The following LRP1B variants were observed in gnomAD, a reference collection of about 807,000 sequenced individuals.
LRP1B encodes LDL receptor related protein 1B, also known as low-density lipoprotein receptor-related protein 1B.
In LRP1B, 217 loss-of-function variants were observed where a neutral mutation model predicts 556.6. That is an observed-to-expected ratio of 0.39 (90% confidence interval 0.35 to 0.44). The LOEUF is 0.44. Ranked by LOEUF, LRP1B falls within the 20% of genes least tolerant of loss-of-function variation. The probability of loss-of-function intolerance (pLI) is 1.00; values close to 1 mark genes in which losing one functional copy is unlikely to be tolerated. For missense variants in LRP1B, 5,053 were observed against 5,620.8 expected (o/e 0.90, Z 3.23); for synonymous variants, 2,047 against 1,865.8 (o/e 1.10, Z -2.50).
Position 140,701,733 on chromosome 2 carries a change from C to G in LRP1B, c.6415G>C (p.Val2139Leu), listed in dbSNP as rs1278204499. 1.2e-6 allele frequency: 2 copies of G among 1,612,504 alleles called. No homozygotes were observed. The highest frequency in any genetic ancestry group is 1.7e-6 in the Non-Finnish European group (2 of 1,178,988). ...CAAGAGTGCTGACCTTTCTCTCTTA[C>G]TCGGTTAAATATTTTAACCTCCTTC... ...NLKEVKIFNR[V>L]REKGTNVCAR... The change falls in exon 40 of 91, where the codon GTA (valine) becomes CTA (leucine). Residue 2139 changes from valine to leucine, a missense_variant. Coordinates refer to ENST00000389484, the MANE Select transcript of LRP1B (RefSeq NM_018557.3).
chr2:141,739,316 A>G (rs929384561), intron 2 of LRP1B, among the ~76,000 whole-genome samples: 1 of 152,148 alleles, frequency 6.6e-6, no homozygotes, highest in Non-Finnish European at 1.5e-5. Context: ...ACAAAACCTC[A>G]AGAAGTACTG....
At chr2:141,040,784 C>T (rs544058023) in intron 11 of LRP1B, among the ~76,000 whole-genome samples, 3 of 152,068 alleles carry the variant, frequency 2.0e-5, no homozygotes, top group Non-Finnish European at 1.5e-5. Context: ...ATGCTGGGGA[C>T]AGGACTGAGC....
At chr2:140,945,234 A>T (rs1303048554) in intron 20 of LRP1B, among the ~76,000 whole-genome samples, 1 of 152,188 alleles carries the variant, frequency 6.6e-6, no homozygotes, top group Non-Finnish European at 1.5e-5. Context: ...ACAAATAAAA[A>T]ATCATTTCAT....
intron 76 of LRP1B, among the ~76,000 whole-genome samples, chr2:140,352,050 G>T (rs1413182782): frequency 6.6e-6 from 1 of 152,012 alleles, no homozygotes; most frequent in African/African-American, 2.4e-5. Flanking sequence ...TCTTAATAAT[G>T]TCCAATCATA....
Position 140,252,062 on chromosome 2 carries a change from C to CAAAAAAAAAAA in LRP1B, c.13248-4911_13248-4901dup. Among the ~76,000 whole-genome samples the CAAAAAAAAAAA allele has an allele frequency of 9.1e-3, 169 of 18,496 alleles. 8 individuals are homozygous for CAAAAAAAAAAA. Among genetic ancestry groups the CAAAAAAAAAAA allele is most frequent in the East Asian group, 0.028 (5 of 180 alleles). The allele number at this position is 18,496 out of a possible 152,430, so 12.1% of individuals were successfully genotyped here. On this transcript the variant is annotated intron_variant, in intron 86 of 90. Transcript: ENST00000389484. ...TTGCAGATAGTAGCATGACAAGATGCAAAAAAAAAAAAAAAAAAAAAAAAA... is the reference window on the plus strand; with the variant it reads ...TTGCAGATAGTAGCATGACAAGATGCAAAAAAAAAAAAAAAAAAAAAAAAAAAAAAAAAAAA...
intron 1 of LRP1B, among the ~76,000 whole-genome samples, chr2:142,004,684 A>G (rs1440046233): frequency 6.6e-6 from 1 of 151,950 alleles, no homozygotes; most frequent in Non-Finnish European, 1.5e-5. Flanking sequence ...CGTCTTTACT[A>G]AAAATATGAA....
intron 41 of LRP1B, among the ~76,000 whole-genome samples, chr2:140,628,430 G>A (rs1386017681): frequency 4.6e-5 from 7 of 151,828 alleles, no homozygotes; most frequent in South Asian, 2.1e-4. Flanking sequence ...CCAGCTACTC[G>A]GGAGGCTGAG....
At chr2:140,817,513 TTTAA>T (rs1294148922) in intron 31 of LRP1B, among the ~76,000 whole-genome samples, 50 of 151,980 alleles carry the variant, frequency 3.3e-4, no homozygotes, top group Middle Eastern at 4.0e-3. Context: ...AATAGGCCAG[TTTAA>T]TTGTTACTGA....
chr2:141,199,155 G>A (rs950394446), intron 6 of LRP1B, among the ~76,000 whole-genome samples: 43 of 152,228 alleles, frequency 2.8e-4, no homozygotes, highest in African/African-American at 9.9e-4. Context: ...GTGAAGAAAA[G>A]TCTTAAACTG....
chr2:141,710,572 T>G (rs1692320673), intron 2 of LRP1B, among the ~76,000 whole-genome samples: 3 of 152,122 alleles, frequency 2.0e-5, no homozygotes, highest in Admixed American at 6.6e-5. Flanking sequence ...GTTGAAATAA[T>G]AGCCAGGACA....
At chr2:140,840,307 A>T (rs1315187770) in intron 30 of LRP1B, among the ~76,000 whole-genome samples, 1 of 152,178 alleles carries the variant, frequency 6.6e-6, no homozygotes, top group Non-Finnish European at 1.5e-5. Flanking sequence ...TGAAGAAAAA[A>T]TATCTCACTT....
At chr2:141,138,899 T>G (rs1056519617) in intron 7 of LRP1B, among the ~76,000 whole-genome samples, 2 of 151,904 alleles carry the variant, frequency 1.3e-5, no homozygotes, top group African/African-American at 4.8e-5. Context: ...AGACCTAGAA[T>G]AGCCAATAAC....
rs140055408 is a variant in LRP1B at position 141,410,848 on chromosome 2, A to G, written c.343+69548T>C. ...TACTTCTTAGGGTTTTACCTCCTATATCAGCTTTCTATTACTTTAAGCTGT... is the reference window on the plus strand; with the variant it reads ...TACTTCTTAGGGTTTTACCTCCTATGTCAGCTTTCTATTACTTTAAGCTGT... On this transcript the variant is annotated intron_variant, in intron 3 of 90. Coordinates refer to ENST00000389484, the MANE Select transcript of LRP1B (RefSeq NM_018557.3). 8.5e-5 allele frequency among the ~76,000 whole-genome samples: 13 copies of G among 152,120 alleles called. No homozygotes were observed. The East Asian group carries it at 2.5e-3, about 29-fold the overall frequency.
At chr2:140,708,901 T>C (rs1339109279) in intron 37 of LRP1B, among the ~76,000 whole-genome samples, 1 of 150,246 alleles carries the variant, frequency 6.7e-6, no homozygotes, top group African/African-American at 2.5e-5. Flanking sequence ...ATTATTCCTA[T>C]GGTAAATCAA....
At chr2:140,844,688 G>A (rs1420744483) in intron 29 of LRP1B, among the ~76,000 whole-genome samples, 2 of 152,076 alleles carry the variant, frequency 1.3e-5, no homozygotes, top group African/African-American at 2.4e-5. Context: ...CAGTTCTGGG[G>A]TCTCTCATTT....
intron 1 of LRP1B, among the ~76,000 whole-genome samples, chr2:142,102,980 C>A (rs1706620476): frequency 6.6e-6 from 1 of 151,718 alleles, no homozygotes. Context: ...TATAATTTTT[C>A]TTTCTTAATC....
intron 86 of LRP1B, among the ~76,000 whole-genome samples, chr2:140,267,039 C>T (rs957313603): frequency 6.6e-6 from 1 of 151,818 alleles, no homozygotes; most frequent in Non-Finnish European, 1.5e-5. Flanking sequence ...TAGTGTGTGA[C>T]CTTAATGTTG....
Position 140,566,795 on chromosome 2 carries a change from C to T in LRP1B, c.7195-24824G>A, listed in dbSNP as rs960381039. 4.6e-5 allele frequency among the ~76,000 whole-genome samples: 7 copies of T among 152,290 alleles called. 1 individual carries two copies. The highest frequency in any genetic ancestry group is 1.7e-4 in the African/African-American group (7 of 41,560). On this transcript the variant is annotated intron_variant, in intron 43 of 90. Transcript: ENST00000389484. ...ACCTCCTGGGAAAACATACTGTACC[C>T]TGGTCAGCCAGAACCTCAACAGTGC...
intron 3 of LRP1B, among the ~76,000 whole-genome samples, chr2:141,288,909 A>C (rs1316316995): frequency 6.6e-6 from 1 of 152,168 alleles, no homozygotes; most frequent in African/African-American, 2.4e-5. Context: ...TTCCCACTAG[A>C]AAGTGCAGAC....
Sources: gnomAD v4.1 joint callset for allele counts (sites outside exome capture counted in the v4.1 genomes callset) on GRCh38, gnomAD v4.1.1 for gene constraint, MANE v1.5 for transcripts, NCBI Gene and HGNC (gene_info 2026-07-23, HGNC 2026-07-21) for gene names.